Variants in TMTC1 observed in about 807,000 individuals in gnomAD.
The protein encoded by TMTC1 is protein O-mannosyl-transferase TMTC1.
TMTC1 carries 73 observed loss-of-function variants against 104.8 expected under a neutral mutation model. The observed-to-expected ratio is 0.70, with a 90% confidence interval of 0.58 to 0.85. The LOEUF is 0.85. TMTC1 is among the 40% of genes least tolerant of loss of function. The pLI is 0.00. For missense variants in TMTC1, 1,035 were observed against 1,096.1 expected, an observed-to-expected ratio of 0.94 and a Z score of 0.79; for synonymous variants, 434 against 428.7, an observed-to-expected ratio of 1.01 and a Z score of -0.15.
At chr12:29,616,591 CCGGGAGG>C in intron 6 of TMTC1, among the ~76,000 whole-genome samples, 1 of 150,774 alleles carries the variant, frequency 6.6e-6, no homozygotes, top group Admixed American at 6.6e-5. Context: ...TCGCTTGAAT[CCGGGAGG>C]CGGAGGTTGC....
chr12:29,762,191 A>T (rs2120404616), intron 2 of TMTC1, among the ~76,000 whole-genome samples: 1 of 152,290 alleles, frequency 6.6e-6, no homozygotes, highest in South Asian at 2.1e-4. Flanking sequence ...AAACTTAAAA[A>T]CAAAATAAGC....
At chr12:29,620,005 G>T (rs141593335) in intron 6 of TMTC1, among the ~76,000 whole-genome samples, 1 of 152,316 alleles carries the variant, frequency 6.6e-6, no homozygotes, top group African/African-American at 2.4e-5. Context: ...CATAGATTCT[G>T]GTCATGGAAG....
intron 5 of TMTC1, among the ~76,000 whole-genome samples, chr12:29,747,221 G>A (rs1942976095): frequency 6.6e-6 from 1 of 152,084 alleles, no homozygotes; most frequent in African/African-American, 2.4e-5. Context: ...AATGTGAAAG[G>A]GAAAGTGTTT....
intron 11 of TMTC1, among the ~76,000 whole-genome samples, chr12:29,531,621 C>T (rs1397900088): frequency 6.6e-6 from 1 of 151,952 alleles, no homozygotes; most frequent in African/African-American, 2.4e-5. Context: ...TATTTACTAC[C>T]CTATCTGTGA....
intron 7 of TMTC1, among the ~76,000 whole-genome samples, chr12:29,592,152 T>C (rs1373930066): frequency 6.6e-6 from 1 of 152,232 alleles, no homozygotes; most frequent in Non-Finnish European, 1.5e-5. Context: ...ATAGCATTAT[T>C]AATACAAGAC....
At chr12:29,568,569 G>T (rs145093700) in intron 9 of TMTC1, among the ~76,000 whole-genome samples, 33 of 152,300 alleles carry the variant, frequency 2.2e-4, no homozygotes, top group Non-Finnish European at 4.0e-4. Flanking sequence ...TAAAGAGAAG[G>T]ATTTGATTTG....
chr12:29,536,120 A>C (rs1475420458), intron 11 of TMTC1, 89 bp downstream of exon 11: 6 of 908,258 alleles, frequency 6.6e-6, no homozygotes, highest in Admixed American at 2.0e-5. Context: ...ATGGGTTTAC[A>C]AATTAAATCA....
At chr12:29,683,644 T>C (rs969388479) in intron 5 of TMTC1, among the ~76,000 whole-genome samples, 2 of 152,204 alleles carry the variant, frequency 1.3e-5, no homozygotes, top group Non-Finnish European at 2.9e-5. Context: ...TGCGACTGTA[T>C]AATTTTCTCT....
At chr12:29,579,591 C>G (rs777285815) in intron 8 of TMTC1, among the ~76,000 whole-genome samples, 24 of 151,982 alleles carry the variant, frequency 1.6e-4, no homozygotes, top group Non-Finnish European at 2.5e-4. Context: ...GAGCTGGATG[C>G]GAAAGGAAAT....
chr12:29,528,565 G>T (rs1944412020), intron 11 of TMTC1, among the ~76,000 whole-genome samples: 1 of 152,056 alleles, frequency 6.6e-6, no homozygotes, highest in African/African-American at 2.4e-5. Context: ...TTTACCTCAA[G>T]GAAGGAAAAG....
intron 5 of TMTC1, among the ~76,000 whole-genome samples, chr12:29,705,962 A>G (rs1434045299): frequency 1.3e-5 from 2 of 152,124 alleles, no homozygotes; most frequent in Non-Finnish European, 2.9e-5. Flanking sequence ...AGCATCATCT[A>G]AACTATAAAA....
intron 5 of TMTC1, among the ~76,000 whole-genome samples, chr12:29,736,035 C>G (rs542087116): frequency 9.2e-5 from 14 of 152,160 alleles, no homozygotes; most frequent in African/African-American, 3.1e-4. Flanking sequence ...TCTTCCTGGC[C>G]ACATAGATCG....
chr12:29,726,153 G>A (rs1191031957), intron 5 of TMTC1, among the ~76,000 whole-genome samples: 1 of 152,146 alleles, frequency 6.6e-6, no homozygotes, highest in Non-Finnish European at 1.5e-5. Flanking sequence ...AGTCCCAGGG[G>A]ACACCACCCT....
At chr12:29,586,831 G>T (rs1946148838) in intron 7 of TMTC1, among the ~76,000 whole-genome samples, 1 of 151,268 alleles carries the variant, frequency 6.6e-6, no homozygotes, top group South Asian at 2.1e-4. Flanking sequence ...GCTGGATTCG[G>T]TTTGCCAGTA....
rs866023319 is a variant in TMTC1, at chr12:29,617,566, G to T, written c.1129-13267C>A. ...AGAGAGAGAGAGAGAGAGAGAGAGA[G>T]AGATAAAAACCCTGCCTTTCCAGAG... On this transcript the variant is annotated intron_variant, in intron 6 of 17. Coordinates refer to ENST00000539277, the MANE Select transcript of TMTC1 (RefSeq NM_001193451.2). 6.9e-3 allele frequency among the ~76,000 whole-genome samples: 1,040 copies of T among 150,260 alleles called. 9 individuals carry two copies. Among genetic ancestry groups the T allele is most frequent in the African/African-American group, 0.025 (995 of 39,848 alleles).
chr12:29,617,546 GA>G (rs1947018584), intron 6 of TMTC1, among the ~76,000 whole-genome samples: 2 of 151,562 alleles, frequency 1.3e-5, no homozygotes, highest in African/African-American at 4.9e-5. Context: ...CAGAGAGAGA[GA>G]GAGAGAGAGA....
Position 29,555,772 on chromosome 12 carries a change from C to T in TMTC1, c.1676+1085G>A, listed in dbSNP as rs148399398. On this transcript the variant is annotated intron_variant, in intron 10 of 17. Transcript: ENST00000539277. ...CAAGTCTTTGCTATTGTGAATAGTG[C>T]TGCAATAAACATATGTGTGCATGTG... is the stretch of plus-strand genomic sequence containing the variant. Among the ~76,000 whole-genome samples, 916 of 152,300 alleles carry T rather than the reference C, an allele frequency of 6.0e-3. 4 individuals are homozygous for T. The highest frequency in any genetic ancestry group is 7.9e-3 in the Non-Finnish European group (538 of 68,028).
chr12:29,705,322 G>T (rs146396447), intron 5 of TMTC1, among the ~76,000 whole-genome samples: 82 of 152,336 alleles, frequency 5.4e-4, no homozygotes, highest in African/African-American at 1.9e-3. Context: ...AAAATAAGCT[G>T]CCTTGGCATA....
intron 7 of TMTC1, among the ~76,000 whole-genome samples, chr12:29,596,322 C>A (rs1470612924): frequency 1.3e-5 from 2 of 152,064 alleles, no homozygotes; most frequent in Non-Finnish European, 2.9e-5. Context: ...CTTTACTTTT[C>A]GTTACCCAAA....
Sources: allele counts gnomAD v4.1 joint callset (sites outside exome capture counted in the v4.1 genomes callset), GRCh38; gene constraint gnomAD v4.1.1; transcripts MANE v1.5; gene names NCBI Gene and HGNC (gene_info 2026-07-23, HGNC 2026-07-21).